The following SNX29 variants were observed in gnomAD, a reference collection of about 807,000 sequenced individuals.
SNX29 encodes sorting nexin-29.
A neutral mutation model predicts 102.1 loss-of-function variants in SNX29; 78 were observed. The ratio of observed to expected loss-of-function variants is 0.76; its 90% CI spans 0.64 to 0.92. SNX29 has a LOEUF of 0.92. SNX29 is among the 40% of genes least tolerant of loss of function. The pLI is 0.00. For synonymous variants in SNX29, 580 were observed against 414.5 expected, an observed-to-expected ratio of 1.40 and a Z score of -4.85; for missense variants, 1,280 against 1,061.7, an observed-to-expected ratio of 1.21 and a Z score of -2.86.
At chr16:12,384,605 A>C (rs1321745551) in intron 16 of SNX29, among the ~76,000 whole-genome samples, 1 of 152,136 alleles carries the variant, frequency 6.6e-6, no homozygotes, top group African/African-American at 2.4e-5. Context: ...TTTCTGATAT[A>C]GTCTGTTTAT....
intron 17 of SNX29, among the ~76,000 whole-genome samples, chr16:12,399,583 C>G (rs17819932): frequency 0.16 from 24,664 of 152,182 alleles, 2,201 homozygotes; most frequent in Middle Eastern, 0.24. Flanking sequence ...ATCAGTCCAG[C>G]CATTTGACCT....
intron 14 of SNX29, among the ~76,000 whole-genome samples, chr16:12,240,783 T>C (rs2078081421): frequency 6.6e-6 from 1 of 151,860 alleles, no homozygotes; most frequent in Admixed American, 6.6e-5. Flanking sequence ...TATTTGTATT[T>C]CTAGTGGAGA....
intron 15 of SNX29, among the ~76,000 whole-genome samples, chr16:12,348,054 G>C (rs1164872305): frequency 6.6e-6 from 1 of 151,992 alleles, no homozygotes; most frequent in Non-Finnish European, 1.5e-5. Context: ...CTCCAGCCTG[G>C]GCAACAGAAT....
intron 14 of SNX29, among the ~76,000 whole-genome samples, chr16:12,275,560 C>T (rs1372782018): frequency 1.3e-5 from 2 of 152,164 alleles, no homozygotes; most frequent in Non-Finnish European, 2.9e-5. Context: ...ATTCCATTCT[C>T]ATCAGATATT....
intron 4 of SNX29, among the ~76,000 whole-genome samples, chr16:12,032,854 C>G (rs1596646489): frequency 6.6e-6 from 1 of 151,750 alleles, no homozygotes; most frequent in African/African-American, 2.4e-5. Context: ...CATAGCCTTG[C>G]CAGTGTTGGG....
intron 10 of SNX29, among the ~76,000 whole-genome samples, chr16:12,076,213 A>T (rs1445972352): frequency 3.3e-5 from 5 of 152,036 alleles, no homozygotes; most frequent in African/African-American, 1.2e-4. Flanking sequence ...AGTGCCTCAG[A>T]TGCAAATGCA....
At chr16:12,543,322 G>C (rs1207288319) in intron 20 of SNX29, among the ~76,000 whole-genome samples, 1 of 152,192 alleles carries the variant, frequency 6.6e-6, no homozygotes, top group South Asian at 2.1e-4. Context: ...ACCTTGATTA[G>C]CCAAATCTGG....
chr16:12,033,609 T>C (rs28553477), intron 4 of SNX29, among the ~76,000 whole-genome samples: 3 of 151,640 alleles, frequency 2.0e-5, no homozygotes, highest in African/African-American at 7.3e-5. Flanking sequence ...TTTTCTTTTT[T>C]CTTTTTTTTT....
chr16:12,360,359 G>A (rs531328640), intron 16 of SNX29, among the ~76,000 whole-genome samples: 1 of 152,062 alleles, frequency 6.6e-6, no homozygotes, highest in Non-Finnish European at 1.5e-5. Flanking sequence ...AAGACACTTG[G>A]CTCCTTGAAC....
intron 19 of SNX29, among the ~76,000 whole-genome samples, chr16:12,485,144 C>T (rs1422344554): frequency 6.6e-6 from 1 of 152,158 alleles, no homozygotes; most frequent in Non-Finnish European, 1.5e-5. Context: ...TTGTTCTCAC[C>T]CGACTTTTGG....
intron 19 of SNX29, among the ~76,000 whole-genome samples, chr16:12,514,114 C>G (rs2089757297): frequency 6.6e-6 from 1 of 152,206 alleles, no homozygotes. Context: ...TCCACACCTC[C>G]CAGCTGGCTA....
chr16:12,209,953 A>G (rs899595803), intron 14 of SNX29, among the ~76,000 whole-genome samples: 4 of 150,468 alleles, frequency 2.7e-5, no homozygotes, highest in Non-Finnish European at 5.9e-5. Flanking sequence ...GGCTCTGGAG[A>G]CGAATTCGTT....
intron 9 of SNX29, among the ~76,000 whole-genome samples, chr16:12,067,300 A>G (rs1170102956): frequency 4.0e-5 from 6 of 151,898 alleles, no homozygotes; most frequent in Non-Finnish European, 5.9e-5. Flanking sequence ...TTTCCTGGTA[A>G]GTTTCCCTGA....
At chr16:12,464,229 C>CGTGTGTGT (rs138917966) in intron 18 of SNX29, among the ~76,000 whole-genome samples, 9 of 141,048 alleles carry the variant, frequency 6.4e-5, no homozygotes, top group East Asian at 2.1e-4. Flanking sequence ...TATTCCATGG[C>CGTGTGTGT]GTGTGTGTGT....
At chr16:12,369,283 G>C (rs1031003011) in intron 16 of SNX29, among the ~76,000 whole-genome samples, 1 of 151,914 alleles carries the variant, frequency 6.6e-6, no homozygotes, top group Admixed American at 6.6e-5. Context: ...TTACAGGTGT[G>C]TGCCACCGTG....
chr16:12,269,260 C>A (rs1337298081), intron 14 of SNX29, among the ~76,000 whole-genome samples: 1 of 152,110 alleles, frequency 6.6e-6, no homozygotes, highest in African/African-American at 2.4e-5. Flanking sequence ...GCGGATTTTT[C>A]CCGTGAATAA....
intron 8 of SNX29, among the ~76,000 whole-genome samples, chr16:12,055,811 A>G (rs943215933): frequency 1.3e-5 from 2 of 152,240 alleles, no homozygotes; most frequent in Non-Finnish European, 2.9e-5. Context: ...AACAGCTAGA[A>G]TAATGTTTGA....
At chr16:12,118,832 T>G (rs350210) in intron 11 of SNX29, among the ~76,000 whole-genome samples, 102,873 of 151,972 alleles carry the variant, frequency 0.68, 35,872 homozygotes, top group East Asian at 0.91. Context: ...GAGGCTGCTG[T>G]GGGAGTTCCT....
chr16:12,128,877 C>T (rs764947876), intron 12 of SNX29, among the ~76,000 whole-genome samples: 1 of 152,150 alleles, frequency 6.6e-6, no homozygotes, highest in Non-Finnish European at 1.5e-5. Flanking sequence ...TTAGCAGCAC[C>T]ATGGTTGGCT....
Sources: allele counts gnomAD v4.1 joint callset (sites outside exome capture counted in the v4.1 genomes callset), GRCh38; gene constraint gnomAD v4.1.1; transcripts MANE v1.5; gene names NCBI Gene and HGNC (gene_info 2026-07-23, HGNC 2026-07-21).